The following TRPM3 variants were observed in gnomAD, a reference collection of about 807,000 sequenced individuals.
TRPM3 encodes transient receptor potential cation channel subfamily M member 3.
TRPM3 carries 77 observed loss-of-function variants against 181.2 expected under a neutral mutation model. The observed-to-expected ratio is 0.42, with a 90% CI of 0.35 to 0.51. The LOEUF is 0.51. TRPM3 is among the 20% of genes least tolerant of loss of function. TRPM3 has a pLI of 0.01. For missense variants in TRPM3, 1,759 were observed against 2,196.7 expected (o/e 0.80, Z 3.98); for synonymous variants, 745 against 796.4 (o/e 0.94, Z 1.09).
intron 9 of TRPM3, among the ~76,000 whole-genome samples, chr9:70,652,240 A>ATAT (rs1208970269): frequency 3.9e-5 from 6 of 152,068 alleles, no homozygotes; most frequent in Admixed American, 6.6e-5. Context: ...TACTTTGTTT[A>ATAT]TATTATTATT....
chr9:71,328,713 T>C (rs536289765), intron 1 of TRPM3, among the ~76,000 whole-genome samples: 1 of 152,340 alleles, frequency 6.6e-6, no homozygotes, highest in African/African-American at 2.4e-5. Flanking sequence ...AACAAAACAA[T>C]CGCTTATTTA....
rs186978401 is a variant in TRPM3, at chr9:71,139,590, G to T, written c.184-275079C>A. Among the ~76,000 whole-genome samples, 4 of 152,232 alleles carry T rather than the reference G, an allele frequency of 2.6e-5. No individual in the cohort carries two copies. The East Asian group carries it at 7.7e-4, about 29-fold the overall frequency. On this transcript the variant is annotated intron_variant, in intron 1 of 24. Coordinates refer to the TRPM3 transcript ENST00000357533. Reference sequence around the variant, plus strand: ...GTAAATAATTTATTTTAAAAATTTTGTTGGTAGGAACTAGCCGATTTTGCC... The same window carrying T: ...GTAAATAATTTATTTTAAAAATTTTTTTGGTAGGAACTAGCCGATTTTGCC...
At chr9:71,147,551 C>A (rs949723323) in intron 1 of TRPM3, among the ~76,000 whole-genome samples, 1 of 151,952 alleles carries the variant, frequency 6.6e-6, no homozygotes, top group Non-Finnish European at 1.5e-5. Flanking sequence ...TGACCCAGAG[C>A]CTCCTGAAGT....
At chr9:70,925,577 A>AATAT in intron 1 of TRPM3, among the ~76,000 whole-genome samples, 1 of 151,346 alleles carries the variant, frequency 6.6e-6, no homozygotes, top group African/African-American at 2.4e-5. Flanking sequence ...CAGAATATGG[A>AATAT]ATATATATAT....
chr9:71,108,993 G>C (rs1587264839), intron 1 of TRPM3, among the ~76,000 whole-genome samples: 1 of 152,160 alleles, frequency 6.6e-6, no homozygotes, highest in South Asian at 2.1e-4. Context: ...TTATGTGGGT[G>C]GGCCTCATCT....
At chr9:70,810,410 G>A (rs1010089862) in intron 6 of TRPM3, among the ~76,000 whole-genome samples, 8 of 127,604 alleles carry the variant, frequency 6.3e-5, no homozygotes, top group Admixed American at 1.6e-4. Flanking sequence ...CCTCTCCATC[G>A]CCCTGTTCTA....
At chr9:70,816,732 G>A (rs916963955) in intron 6 of TRPM3, among the ~76,000 whole-genome samples, 7 of 152,196 alleles carry the variant, frequency 4.6e-5, no homozygotes, top group Non-Finnish European at 7.3e-5. Context: ...TGTGGTAAAG[G>A]ATCCATTAGA....
chr9:70,929,791 T>G (rs2096757312), intron 1 of TRPM3, among the ~76,000 whole-genome samples: 1 of 152,178 alleles, frequency 6.6e-6, no homozygotes, highest in African/African-American at 2.4e-5. Context: ...AGGTTTTTGT[T>G]TGTTTTTACT....
intron 7 of TRPM3, among the ~76,000 whole-genome samples, chr9:70,763,680 A>G (rs1336811540): frequency 2.0e-5 from 3 of 152,154 alleles, no homozygotes; most frequent in Non-Finnish European, 4.4e-5. Context: ...ATGTCTACTT[A>G]GTGCCACACA....
At chr9:71,189,455 T>C (rs1442960863) in intron 1 of TRPM3, among the ~76,000 whole-genome samples, 1 of 151,930 alleles carries the variant, frequency 6.6e-6, no homozygotes, top group Non-Finnish European at 1.5e-5. Flanking sequence ...AGCTGCTGTC[T>C]GTATTGTTCA....
chr9:71,101,692 A>G (rs2068420274), intron 1 of TRPM3, among the ~76,000 whole-genome samples: 1 of 152,192 alleles, frequency 6.6e-6, no homozygotes, highest in Non-Finnish European at 1.5e-5. Flanking sequence ...ATCACTTTCT[A>G]TGCTGTAAAT....
At chr9:70,849,048 T>C (rs2095112962) in intron 3 of TRPM3, among the ~76,000 whole-genome samples, 1 of 152,172 alleles carries the variant, frequency 6.6e-6, no homozygotes, top group African/African-American at 2.4e-5. Context: ...AAACTATCTT[T>C]TAAAAATGAG....
At chr9:70,951,246 T>C (rs2096995203) in intron 1 of TRPM3, among the ~76,000 whole-genome samples, 1 of 152,258 alleles carries the variant, frequency 6.6e-6, no homozygotes, top group Non-Finnish European at 1.5e-5. Flanking sequence ...ACATTTCTTT[T>C]AAAATTATGA....
At chr9:71,375,735 C>A (rs2092649888) in intron 1 of TRPM3, among the ~76,000 whole-genome samples, 1 of 152,120 alleles carries the variant, frequency 6.6e-6, no homozygotes, top group African/African-American at 2.4e-5. Flanking sequence ...CTTCAGCAAC[C>A]ACCATCCTGA....
chr9:71,405,032 T>C (rs754648769), intron 1 of TRPM3, among the ~76,000 whole-genome samples: 1 of 152,218 alleles, frequency 6.6e-6, no homozygotes, highest in South Asian at 2.1e-4. Context: ...TTCTACATTG[T>C]GCTATAATTA....
chr9:70,559,064 G>A (rs765377550), intron 22 of TRPM3, among the ~76,000 whole-genome samples: 22 of 152,184 alleles, frequency 1.4e-4, no homozygotes, highest in Non-Finnish European at 2.9e-4. Flanking sequence ...CCTTCCAATG[G>A]TTGAAATGTT....
intron 1 of TRPM3, among the ~76,000 whole-genome samples, chr9:70,962,592 A>G (rs1019584010): frequency 6.6e-6 from 1 of 152,168 alleles, no homozygotes; most frequent in Admixed American, 6.5e-5. Flanking sequence ...CTCCCAGTGG[A>G]TGCCTGAAAT....
chr9:71,390,712 C>G (rs1029007142), intron 1 of TRPM3, among the ~76,000 whole-genome samples: 3 of 151,952 alleles, frequency 2.0e-5, no homozygotes, highest in Non-Finnish European at 4.4e-5. Context: ...ATACTATAGG[C>G]CAGATACTAT....
intron 1 of TRPM3, among the ~76,000 whole-genome samples, chr9:71,221,234 G>A (rs565162649): frequency 2.6e-5 from 4 of 152,148 alleles, no homozygotes; most frequent in South Asian, 2.1e-4. Flanking sequence ...TGTTCATTAG[G>A]TATTACCTAC....
Sources: allele counts gnomAD v4.1 joint callset (sites outside exome capture counted in the v4.1 genomes callset), GRCh38; gene constraint gnomAD v4.1.1; transcripts MANE v1.5; gene names NCBI Gene and HGNC (gene_info 2026-07-23, HGNC 2026-07-21).